ZMAT4: variants seen among roughly 807,000 people sequenced by gnomAD.
The protein encoded by ZMAT4 is zinc finger matrin-type protein 4.
A neutral mutation model predicts 28.7 loss-of-function variants in ZMAT4; 17 were observed. That is an observed-to-expected ratio of 0.59 (90% CI 0.41 to 0.89). The LOEUF (loss-of-function observed/expected upper bound fraction) is 0.89. Ranked by LOEUF, ZMAT4 falls within the 40% of genes least tolerant of loss-of-function variation. ZMAT4 has a pLI of 0.00. For synonymous variants in ZMAT4, 117 were observed against 109.2 expected (o/e 1.07, Z -0.44); for missense variants, 240 against 283.8 (o/e 0.85, Z 1.11).
chr8:40,547,270 G>A (rs934451261), intron 6 of ZMAT4, among the ~76,000 whole-genome samples: 3 of 152,130 alleles, frequency 2.0e-5, no homozygotes, highest in Non-Finnish European at 4.4e-5. Flanking sequence ...TGCAAATCCC[G>A]CTGTTTTGTT....
At chr8:40,792,860 G>A (rs1443318429) in intron 2 of ZMAT4, among the ~76,000 whole-genome samples, 3 of 151,608 alleles carry the variant, frequency 2.0e-5, no homozygotes, top group Non-Finnish European at 2.9e-5. Flanking sequence ...TGAAGAGGCT[G>A]CATCCTATAT....
At chr8:40,549,173 A>G in intron 6 of ZMAT4, among the ~76,000 whole-genome samples, 1 of 152,166 alleles carries the variant, frequency 6.6e-6, no homozygotes, top group African/African-American at 2.4e-5. Context: ...GGCCCTCACC[A>G]GACACTGAAC....
chr8:40,720,839 T>C (rs564014791), intron 3 of ZMAT4, among the ~76,000 whole-genome samples: 1 of 152,090 alleles, frequency 6.6e-6, no homozygotes, highest in South Asian at 2.1e-4. Flanking sequence ...TAGACTCTTT[T>C]AGAAGCCCTG....
intron 1 of ZMAT4, among the ~76,000 whole-genome samples, chr8:40,869,841 C>T (rs77363580): frequency 0.063 from 9,545 of 152,192 alleles, 326 homozygotes; most frequent in Non-Finnish European, 0.069. Flanking sequence ...GGCACCGATC[C>T]GCCTTCTCTC....
intron 2 of ZMAT4, among the ~76,000 whole-genome samples, chr8:40,796,720 C>T (rs1305235083): frequency 6.6e-6 from 1 of 152,232 alleles, no homozygotes; most frequent in African/African-American, 2.4e-5. Flanking sequence ...AAGTCTGAAA[C>T]ATTTTTCACA....
At chr8:40,583,462 T>C (rs1230843523) in intron 5 of ZMAT4, among the ~76,000 whole-genome samples, 1 of 152,142 alleles carries the variant, frequency 6.6e-6, no homozygotes, top group African/African-American at 2.4e-5. Context: ...ATGCTGAAAG[T>C]GTTCACCTGG....
intron 6 of ZMAT4, among the ~76,000 whole-genome samples, chr8:40,567,061 T>C (rs977096858): frequency 6.6e-6 from 1 of 152,120 alleles, no homozygotes; most frequent in African/African-American, 2.4e-5. Flanking sequence ...GTTGGGTGTC[T>C]TTAGAAGGAA....
intron 3 of ZMAT4, among the ~76,000 whole-genome samples, chr8:40,743,315 G>T (rs1164848956): frequency 6.6e-6 from 1 of 152,108 alleles, no homozygotes; most frequent in Non-Finnish European, 1.5e-5. Context: ...CAGTGACCTG[G>T]GATGACAGCT....
At chr8:40,549,566 A>C (rs987152961) in intron 6 of ZMAT4, among the ~76,000 whole-genome samples, 1 of 152,200 alleles carries the variant, frequency 6.6e-6, no homozygotes, top group Non-Finnish European at 1.5e-5. Context: ...GAAACCAGGT[A>C]ATCAGAGATT....
intron 5 of ZMAT4, among the ~76,000 whole-genome samples, chr8:40,629,062 T>A (rs1342424391): frequency 9.9e-5 from 15 of 151,736 alleles, no homozygotes; most frequent in Admixed American, 9.8e-4. Context: ...CTCTTTATTT[T>A]CTTTTTGGGA....
At chr8:40,731,733 T>C (rs1021688995) in intron 3 of ZMAT4, among the ~76,000 whole-genome samples, 1 of 152,188 alleles carries the variant, frequency 6.6e-6, no homozygotes, top group Non-Finnish European at 1.5e-5. Flanking sequence ...AAATGATTTA[T>C]GAATAAAGTC....
At chr8:40,532,363 G>A in intron 6 of ZMAT4, 125 bp from the exon 7 acceptor site, 2 of 681,112 alleles carry the variant, frequency 2.9e-6, no homozygotes, top group Non-Finnish European at 4.4e-6. Context: ...AAATTCAAAT[G>A]CATCTGAATT....
chr8:40,832,739 C>A (rs1816333682), intron 1 of ZMAT4, among the ~76,000 whole-genome samples: 1 of 152,164 alleles, frequency 6.6e-6, no homozygotes, highest in South Asian at 2.1e-4. Flanking sequence ...AGACAGGAGG[C>A]CTTCCGCTGT....
rs192908831 is a variant in ZMAT4, at chr8:40,553,893, T to G, written c.675-21655A>C. ...CAAGGAGCACACCAGGTACTTTATA[T>G]TTATTTCATTTAATCATCACATCCA... is the stretch of plus-strand genomic sequence containing the variant. On this transcript the variant is annotated intron_variant, in intron 6 of 6. Coordinates refer to ENST00000297737, the MANE Select transcript of ZMAT4 (RefSeq NM_024645.3). Among the ~76,000 whole-genome samples the G allele has an allele frequency of 1.9e-3, 289 of 152,308 alleles. 3 individuals are homozygous for G. The highest frequency in any genetic ancestry group is 6.5e-3 in the African/African-American group (270 of 41,584).
At chr8:40,702,615 A>G (rs150790637) in intron 3 of ZMAT4, among the ~76,000 whole-genome samples, 29 of 152,332 alleles carry the variant, frequency 1.9e-4, no homozygotes, top group African/African-American at 5.8e-4. Flanking sequence ...GATTTCTTTA[A>G]TTTAATTCAG....
At position 40,655,452 on chromosome 8, in the gene ZMAT4, C is replaced by T. The variant is rs147315801; in HGVS notation, c.577+19252G>A. Reference sequence around the variant, plus strand: ...CTTTTTGGAGAAATTGACAATGTGGCTCTAAAATTCATATGAAAATTTAAA... The same window carrying T: ...CTTTTTGGAGAAATTGACAATGTGGTTCTAAAATTCATATGAAAATTTAAA... On this transcript the variant is annotated intron_variant, in intron 5 of 6. Coordinates refer to ENST00000297737, the MANE Select transcript of ZMAT4 (RefSeq NM_024645.3). 2.9e-3 allele frequency among the ~76,000 whole-genome samples: 438 copies of T among 151,302 alleles called. 4 individuals carry two copies. Among genetic ancestry groups the T allele is most frequent in the African/African-American group, 0.01 (413 of 41,254 alleles).
Position 40,860,597 on chromosome 8 carries a change from A to G in ZMAT4, c.-4-34917T>C, listed in dbSNP as rs528195333. On this transcript the variant is annotated intron_variant, in intron 1 of 6. Coordinates refer to ENST00000297737, the MANE Select transcript of ZMAT4 (RefSeq NM_024645.3). ...TAGATCTGTGCGTTTGCCACCTTGG[A>G]CCTTAGGATAATAGCTCCCAAATCT... is the stretch of plus-strand genomic sequence containing the variant. Among the ~76,000 whole-genome samples the G allele has an allele frequency of 2.0e-5, 3 of 152,292 alleles. No homozygotes were observed. In the East Asian group the frequency reaches 5.8e-4, roughly 29 times the overall value.
chr8:40,691,629 G>A (rs931018841), intron 4 of ZMAT4, among the ~76,000 whole-genome samples: 1 of 152,156 alleles, frequency 6.6e-6, no homozygotes, highest in Non-Finnish European at 1.5e-5. Flanking sequence ...CTCAAACAAT[G>A]AGGATCAGTT....
intron 3 of ZMAT4, among the ~76,000 whole-genome samples, chr8:40,759,292 A>G (rs1022186772): frequency 6.6e-6 from 1 of 151,882 alleles, no homozygotes; most frequent in African/African-American, 2.4e-5. Context: ...AAAAAAAAAA[A>G]AAAAAAAAAA....
Sources: allele counts gnomAD v4.1 joint callset (sites outside exome capture counted in the v4.1 genomes callset), GRCh38; gene constraint gnomAD v4.1.1; transcripts MANE v1.5; gene names NCBI Gene and HGNC (gene_info 2026-07-23, HGNC 2026-07-21).